TNFSF4: variants seen among roughly 807,000 people sequenced by gnomAD.
TNFSF4 encodes tumor necrosis factor ligand superfamily member 4.
In TNFSF4, 4 loss-of-function variants were observed where a neutral mutation model predicts 7.3. That is an observed-to-expected ratio of 0.55 (90% CI 0.27 to 1.25). The LOEUF is 1.25. Ranked by LOEUF, TNFSF4 falls within the 50% of genes most tolerant of loss-of-function variation. TNFSF4 has a pLI of 0.12. For synonymous variants in TNFSF4, 76 were observed against 83.7 expected, an observed-to-expected ratio of 0.91 and a Z score of 0.50; for missense variants, 181 against 208.8, an observed-to-expected ratio of 0.87 and a Z score of 0.82.
At chr1:173,353,659 C>CTCTT in the TNFSF4 span, among the ~76,000 whole-genome samples, 1 of 152,144 alleles carries the variant, frequency 6.6e-6, no homozygotes, top group Non-Finnish European at 1.5e-5. Context: ...CCATGTTAGA[C>CTCTT]AAAGCAACTC....
intron 2 of TNFSF4, among the ~76,000 whole-genome samples, chr1:173,187,432 A>T (rs183772162): frequency 1.3e-5 from 2 of 152,348 alleles, no homozygotes; most frequent in Non-Finnish European, 2.9e-5. Context: ...CCTTTCTGTC[A>T]TCTGACCATG....
At chr1:173,287,335 AAAAAT>A in the TNFSF4 span, among the ~76,000 whole-genome samples, 4 of 152,192 alleles carry the variant, frequency 2.6e-5, no homozygotes, top group African/African-American at 9.7e-5. Context: ...ACCCTGACTC[AAAAAT>A]AAAATAAATA....
At chr1:173,311,420 A>G in the TNFSF4 span, among the ~76,000 whole-genome samples, 5 of 152,180 alleles carry the variant, frequency 3.3e-5, no homozygotes, top group Admixed American at 6.5e-5. Context: ...TGCAGTACCA[A>G]TAAAAGGGAG....
the TNFSF4 span, among the ~76,000 whole-genome samples, chr1:173,317,183 C>T: frequency 6.6e-6 from 1 of 152,134 alleles, no homozygotes; most frequent in Non-Finnish European, 1.5e-5. Context: ...TGAATTGTTC[C>T]AACTGAGCCT....
At chr1:173,424,915 C>T in the TNFSF4 span, among the ~76,000 whole-genome samples, 96,334 of 152,052 alleles carry the variant, frequency 0.63, 31,561 homozygotes, top group South Asian at 0.78. Context: ...GGTGGATTTT[C>T]AGGCATGCAA....
the TNFSF4 span, among the ~76,000 whole-genome samples, chr1:173,301,999 G>T: frequency 6.6e-6 from 1 of 151,710 alleles, no homozygotes; most frequent in South Asian, 2.1e-4. Flanking sequence ...ATTTATGGGA[G>T]AAAAAAAGCT....
the TNFSF4 span, among the ~76,000 whole-genome samples, chr1:173,224,636 C>T: frequency 3.1e-4 from 47 of 152,308 alleles, 1 homozygote; most frequent in East Asian, 8.5e-3. Context: ...GGTTAAGTAA[C>T]TTCCCTGAGG....
chr1:173,264,169 G>A, the TNFSF4 span, among the ~76,000 whole-genome samples: 8 of 151,922 alleles, frequency 5.3e-5, no homozygotes, highest in South Asian at 2.1e-4. Context: ...TTTGAGACAG[G>A]GTATTATTCT....
the TNFSF4 span, among the ~76,000 whole-genome samples, chr1:173,444,523 T>A: frequency 8.6e-5 from 13 of 151,628 alleles, no homozygotes; most frequent in East Asian, 2.5e-3. Context: ...GTTTTTTTTT[T>A]AATTTTTTGA....
chr1:173,323,268 G>A, the TNFSF4 span, among the ~76,000 whole-genome samples: 9 of 152,238 alleles, frequency 5.9e-5, no homozygotes, highest in Admixed American at 5.9e-4. Context: ...TGATGCCCAG[G>A]CAAACAGGGT....
the TNFSF4 span, among the ~76,000 whole-genome samples, chr1:173,212,732 A>C: frequency 6.6e-6 from 1 of 152,054 alleles, no homozygotes; most frequent in Non-Finnish European, 1.5e-5. Flanking sequence ...GAGGGGATGG[A>C]TATCCCATTC....
intron 1 of TNFSF4, among the ~76,000 whole-genome samples, chr1:173,193,187 C>G (rs975661416): frequency 6.6e-6 from 1 of 152,134 alleles, no homozygotes; most frequent in East Asian, 1.9e-4. Context: ...CACACATAGA[C>G]TTAGTGTTTT....
the TNFSF4 span, among the ~76,000 whole-genome samples, chr1:173,310,929 T>C: frequency 6.6e-6 from 1 of 152,024 alleles, no homozygotes. Context: ...CTGCATCAGG[T>C]TTCTTTTGGT....
At chr1:173,398,274 T>C in the TNFSF4 span, among the ~76,000 whole-genome samples, 7 of 152,160 alleles carry the variant, frequency 4.6e-5, no homozygotes, top group Admixed American at 4.6e-4. Flanking sequence ...ATCATACTGA[T>C]CCATTACATT....
chr1:173,359,433 A>C, the TNFSF4 span, among the ~76,000 whole-genome samples: 1 of 146,232 alleles, frequency 6.8e-6, no homozygotes. Context: ...TGCCAGTCAG[A>C]GTCTAAGAGT....
chr1:173,173,389 A>G, the TNFSF4 span, among the ~76,000 whole-genome samples: 1 of 152,224 alleles, frequency 6.6e-6, no homozygotes, highest in Non-Finnish European at 1.5e-5. Context: ...GTTACTTCCA[A>G]GATATAATGG....
the TNFSF4 span, among the ~76,000 whole-genome samples, chr1:173,374,876 C>T: frequency 6.6e-6 from 1 of 152,318 alleles, no homozygotes; most frequent in Admixed American, 6.5e-5. Flanking sequence ...ATAACCACTG[C>T]TACAGGAACT....
At chr1:173,310,819 A>G in the TNFSF4 span, among the ~76,000 whole-genome samples, 1 of 151,824 alleles carries the variant, frequency 6.6e-6, no homozygotes, top group East Asian at 1.9e-4. Context: ...GGTGCATACA[A>G]ATTTAAAATT....
At chr1:173,242,277 T>C in the TNFSF4 span, among the ~76,000 whole-genome samples, 2 of 152,310 alleles carry the variant, frequency 1.3e-5, no homozygotes, top group Admixed American at 1.3e-4. Context: ...TTCCTGCTTT[T>C]TAATCCACCC....
Sources: allele counts gnomAD v4.1 joint callset (sites outside exome capture counted in the v4.1 genomes callset), GRCh38; gene constraint gnomAD v4.1.1; transcripts MANE v1.5; gene names NCBI Gene and HGNC (gene_info 2026-07-23, HGNC 2026-07-21).